Variants in ARHGAP21 observed in about 807,000 individuals in gnomAD.
The protein encoded by ARHGAP21 is rho GTPase-activating protein 21.
In ARHGAP21, 38 loss-of-function variants were observed where a neutral mutation model predicts 164.6. The ratio of observed to expected loss-of-function variants is 0.23; its 90% confidence interval spans 0.18 to 0.30. The LOEUF is 0.30. ARHGAP21 is among the 10% of genes least tolerant of loss of function. ARHGAP21 has a pLI of 1.00. For synonymous variants in ARHGAP21, 766 were observed against 857.9 expected (o/e 0.89, Z 1.87); for missense variants, 1,822 against 2,370.7 (o/e 0.77, Z 4.81).
intron 3 of ARHGAP21, among the ~76,000 whole-genome samples, chr10:24,668,664 C>G (rs1165022557): frequency 6.6e-6 from 1 of 150,898 alleles, no homozygotes; most frequent in Admixed American, 6.6e-5. Context: ...TTTTTTTGAC[C>G]AGAAATATGC....
chr10:24,695,563 C>T (rs1375161341), intron 2 of ARHGAP21, among the ~76,000 whole-genome samples: 7 of 132,656 alleles, frequency 5.3e-5, no homozygotes, highest in African/African-American at 1.6e-4. Flanking sequence ...AGTGAGACTG[C>T]GTCAAAAAAA....
intron 25 of ARHGAP21, 37 bp from the exon 26 acceptor site, chr10:24,586,143 G>A (rs1383450643): frequency 1.3e-6 from 2 of 1,519,530 alleles, no homozygotes; most frequent in African/African-American, 1.4e-5. Context: ...CTGAGCATAA[G>A]AATGCAGCTG....
At chr10:24,623,618 G>C (rs1485092633) in intron 7 of ARHGAP21, among the ~76,000 whole-genome samples, 1 of 152,112 alleles carries the variant, frequency 6.6e-6, no homozygotes, top group African/African-American at 2.4e-5. Context: ...ATTGTGTCTG[G>C]ATGAGAGAAT....
chr10:24,591,616 T>C, intron 23 of ARHGAP21, 26 bp downstream of exon 23: 1 of 1,612,332 alleles, frequency 6.2e-7, no homozygotes, highest in Non-Finnish European at 8.5e-7. Flanking sequence ...AACTACTGAG[T>C]ACAAATGCTG....
At chr10:24,689,942 G>A (rs57769773) in intron 2 of ARHGAP21, among the ~76,000 whole-genome samples, 7 of 6,990 alleles carry the variant, frequency 1.0e-3, no homozygotes, top group African/African-American at 5.1e-3. Flanking sequence ...ATGTATATAT[G>A]TATATGTGTG....
At chr10:24,707,003 G>A (rs1403989563) in intron 2 of ARHGAP21, among the ~76,000 whole-genome samples, 1 of 152,126 alleles carries the variant, frequency 6.6e-6, no homozygotes, top group Non-Finnish European at 1.5e-5. Context: ...CATCAATGAC[G>A]CTCACACTGA....
At chr10:24,645,241 T>C (rs1229107569) in intron 4 of ARHGAP21, among the ~76,000 whole-genome samples, 1 of 152,140 alleles carries the variant, frequency 6.6e-6, no homozygotes, top group Non-Finnish European at 1.5e-5. Flanking sequence ...AACAACCCAA[T>C]GGACACCCCA....
intron 14 of ARHGAP21, among the ~76,000 whole-genome samples, chr10:24,599,074 C>T (rs577896728): frequency 6.6e-6 from 1 of 152,272 alleles, no homozygotes; most frequent in South Asian, 2.1e-4. Context: ...ACTTGTGTAC[C>T]TGTGTCTTAA....
At chr10:24,590,832 G>C (rs2076294361) in intron 24 of ARHGAP21, 1 of 981,440 alleles carries the variant, frequency 1.0e-6, no homozygotes, top group Admixed American at 6.4e-5. Flanking sequence ...TCAAGAATAA[G>C]AACTACTTAT....
chr10:24,710,964 G>A (rs1593370228), intron 2 of ARHGAP21, among the ~76,000 whole-genome samples: 1 of 151,800 alleles, frequency 6.6e-6, no homozygotes, highest in African/African-American at 2.4e-5. Context: ...CATGGTGGAG[G>A]GTGCCTGTAG....
At chr10:24,659,852 C>T (rs757268490) in intron 4 of ARHGAP21, among the ~76,000 whole-genome samples, 8 of 152,154 alleles carry the variant, frequency 5.3e-5, no homozygotes, top group Non-Finnish European at 1.2e-4. Flanking sequence ...TTAGAGACTG[C>T]CTGAGTTGTA....
At chr10:24,711,644 C>T (rs2132247221) in intron 2 of ARHGAP21, among the ~76,000 whole-genome samples, 1 of 152,250 alleles carries the variant, frequency 6.6e-6, no homozygotes. Flanking sequence ...AACAAAAACA[C>T]GTGGGCAATA....
At position 24,621,170 on chromosome 10, in the gene ARHGAP21, C is replaced by T; in HGVS notation, c.725G>A (p.Arg242Lys). Residue 242 changes from arginine to lysine, a missense_variant, in exon 9 of 26, where the codon AGG (arginine) becomes AAG (lysine). Coordinates refer to ENST00000396432, the MANE Select transcript of ARHGAP21 (RefSeq NM_020824.4). The stretch of plus-strand genomic sequence containing the variant: ...CACTTGTATTTCCATTCTATAGGCC[C>T]TACCAGGTTGTGTCAGTACTGGTGT... ...TSTPVLTQPG[R>K]AYRMEIQVPP... is the part of the protein sequence containing the mutation. The T allele has an allele frequency of 6.2e-7, 1 of 1,613,860 alleles. No individual in the cohort carries two copies. Among genetic ancestry groups the T allele is most frequent in the Non-Finnish European group, 8.5e-7 (1 of 1,179,820 alleles).
chr10:24,643,505 C>A (rs1837282189), intron 4 of ARHGAP21, among the ~76,000 whole-genome samples: 1 of 152,188 alleles, frequency 6.6e-6, no homozygotes, highest in African/African-American at 2.4e-5. Context: ...AACTATCAGT[C>A]TCCCTCCAGA....
At chr10:24,683,663 T>C (rs1418278465) in intron 2 of ARHGAP21, among the ~76,000 whole-genome samples, 2 of 152,080 alleles carry the variant, frequency 1.3e-5, no homozygotes, top group African/African-American at 4.8e-5. Context: ...TTAATATAAA[T>C]TGTAAAGGAA....
intron 18 of ARHGAP21, 28 bp downstream of exon 18, chr10:24,595,860 G>T (rs1052495847): frequency 2.8e-5 from 45 of 1,610,028 alleles, no homozygotes; most frequent in Non-Finnish European, 3.6e-5. Flanking sequence ...GAAAAAAAAG[G>T]ATCAGTTATT....
chr10:24,606,915 A>G (rs1376972131), intron 11 of ARHGAP21, among the ~76,000 whole-genome samples: 1 of 152,232 alleles, frequency 6.6e-6, no homozygotes, highest in East Asian at 1.9e-4. Context: ...GATTATATTT[A>G]TTCACATGTG....
chr10:24,688,887 C>T (rs1433318670), intron 2 of ARHGAP21, among the ~76,000 whole-genome samples: 8 of 152,082 alleles, frequency 5.3e-5, no homozygotes, highest in Non-Finnish European at 2.9e-5. Context: ...TTTTTCTTTC[C>T]CTTCCTCCCA....
chr10:24,606,652 G>T (rs904769900), intron 11 of ARHGAP21, among the ~76,000 whole-genome samples: 1 of 152,076 alleles, frequency 6.6e-6, no homozygotes, highest in African/African-American at 2.4e-5. Context: ...AGGAGTTTGA[G>T]ACCAGCCTGA....
Sources: allele counts gnomAD v4.1 joint callset (sites outside exome capture counted in the v4.1 genomes callset), GRCh38; gene constraint gnomAD v4.1.1; transcripts MANE v1.5; gene names NCBI Gene and HGNC (gene_info 2026-07-23, HGNC 2026-07-21).